The following PTPRT variants were observed in gnomAD, a reference collection of about 807,000 sequenced individuals.
PTPRT encodes receptor-type tyrosine-protein phosphatase T.
PTPRT carries 56 observed loss-of-function variants against 176.8 expected under a neutral mutation model. The observed-to-expected ratio is 0.32, with a 90% CI of 0.26 to 0.40. PTPRT has a LOEUF of 0.40. Among genes scored for constraint, PTPRT ranks in the 10% least tolerant of loss-of-function variants. PTPRT has a pLI of 1.00. For synonymous variants in PTPRT, 783 were observed against 739.0 expected (o/e 1.06, Z -0.96); for missense variants, 1,540 against 1,908.2 (o/e 0.81, Z 3.60).
chr20:42,326,206 A>G (rs963393724), intron 11 of PTPRT, among the ~76,000 whole-genome samples: 3 of 152,188 alleles, frequency 2.0e-5, no homozygotes, highest in African/African-American at 7.2e-5. Flanking sequence ...ATTTGGGTAG[A>G]TAACCTTGAT....
chr20:42,382,801 C>G (rs1453420295), intron 9 of PTPRT, among the ~76,000 whole-genome samples: 1 of 152,180 alleles, frequency 6.6e-6, no homozygotes, highest in Admixed American at 6.5e-5. Flanking sequence ...TATCCATGCC[C>G]TGCATAAATG....
intron 15 of PTPRT, among the ~76,000 whole-genome samples, chr20:42,227,334 CTG>C (rs953076402): frequency 3.3e-5 from 5 of 152,090 alleles, no homozygotes; most frequent in African/African-American, 1.2e-4. Flanking sequence ...CTTTTACACC[CTG>C]TGTCAACCAG....
chr20:42,400,690 C>T (rs1394059141), intron 9 of PTPRT, among the ~76,000 whole-genome samples: 3 of 152,180 alleles, frequency 2.0e-5, no homozygotes, highest in African/African-American at 7.2e-5. Context: ...ATACCAAGCA[C>T]GCTTGCATGT....
chr20:42,985,877 C>T (rs1173125832), intron 1 of PTPRT, among the ~76,000 whole-genome samples: 1 of 152,102 alleles, frequency 6.6e-6, no homozygotes, highest in African/African-American at 2.4e-5. Context: ...CCTCCCTGTT[C>T]AAGGAGCAGC....
intron 2 of PTPRT, among the ~76,000 whole-genome samples, chr20:42,880,032 T>C (rs1163478803): frequency 1.3e-5 from 2 of 151,846 alleles, no homozygotes; most frequent in Non-Finnish European, 2.9e-5. Context: ...AGGAGAGAGG[T>C]TCTCCCATTT....
At chr20:42,405,665 G>A (rs2058954694) in intron 9 of PTPRT, among the ~76,000 whole-genome samples, 1 of 152,156 alleles carries the variant, frequency 6.6e-6, no homozygotes, top group South Asian at 2.1e-4. Flanking sequence ...GTGTGCATGT[G>A]TTTTTATAGC....
intron 2 of PTPRT, among the ~76,000 whole-genome samples, chr20:42,863,009 A>G (rs1037238103): frequency 4.6e-5 from 7 of 152,204 alleles, no homozygotes; most frequent in Admixed American, 1.3e-4. Flanking sequence ...TCTTACACTA[A>G]TGGGGTAAGG....
At chr20:42,845,762 C>T (rs1317627359) in intron 2 of PTPRT, among the ~76,000 whole-genome samples, 4 of 152,056 alleles carry the variant, frequency 2.6e-5, no homozygotes, top group African/African-American at 7.2e-5. Context: ...TAAGGGCAAG[C>T]GAGATTATCC....
chr20:42,906,894 C>T (rs1446735320), intron 1 of PTPRT, among the ~76,000 whole-genome samples: 1 of 152,110 alleles, frequency 6.6e-6, no homozygotes, highest in East Asian at 1.9e-4. Context: ...ACCTCATCTG[C>T]CTGGAATTAA....
intron 1 of PTPRT, among the ~76,000 whole-genome samples, chr20:43,138,143 A>G (rs2013892726): frequency 6.6e-6 from 1 of 152,220 alleles, no homozygotes; most frequent in Admixed American, 6.5e-5. Flanking sequence ...CTGAGTGGGC[A>G]CTGGCAAGAG....
At chr20:42,520,802 CAT>C (rs58797064) in intron 7 of PTPRT, among the ~76,000 whole-genome samples, 103 of 141,366 alleles carry the variant, frequency 7.3e-4, no homozygotes, top group Middle Eastern at 3.6e-3. Flanking sequence ...CTTGGAAAGA[CAT>C]ATATATATAT....
Position 42,142,882 on chromosome 20 carries a change from T to C in PTPRT, c.2683-880A>G, listed in dbSNP as rs74726958. Among the ~76,000 whole-genome samples, 823 of 152,294 alleles carry C rather than the reference T, an allele frequency of 5.4e-3. 7 individuals are homozygous for C. The highest frequency in any genetic ancestry group is 0.019 in the African/African-American group (790 of 41,560). On this transcript the variant is annotated intron_variant, in intron 17 of 30. Transcript: ENST00000373187. ...GGGACTTCATTAATGATAGATACTATAATTCCTTCATGATACTGTAATTCC... is the reference window on the plus strand; with the variant it reads ...GGGACTTCATTAATGATAGATACTACAATTCCTTCATGATACTGTAATTCC...
chr20:42,187,551 T>C (rs1050619378), intron 16 of PTPRT, among the ~76,000 whole-genome samples: 1 of 152,226 alleles, frequency 6.6e-6, no homozygotes, highest in East Asian at 1.9e-4. Context: ...TTTTCAATCT[T>C]TGTGATAGTC....
chr20:42,240,264 C>A (rs967377858), intron 14 of PTPRT, among the ~76,000 whole-genome samples: 1 of 152,154 alleles, frequency 6.6e-6, no homozygotes, highest in African/African-American at 2.4e-5. Flanking sequence ...AATTAAACTG[C>A]AAAGTCTTCT....
In PTPRT at chr20:42,074,527, C is replaced by A; in HGVS notation, c.*6352G>T. On this transcript the variant is annotated 3_prime_UTR_variant, in exon 31 of 31. Coordinates refer to ENST00000373187, the MANE Select transcript of PTPRT (RefSeq NM_007050.6). ...AGGATCAGAGTCCACATCTCACCACCCAGAGCAGTTCTCAGATATAGAAGG... is the reference window on the plus strand; with the variant it reads ...AGGATCAGAGTCCACATCTCACCACACAGAGCAGTTCTCAGATATAGAAGG... 1 of 365,280 alleles carries A rather than the reference C, an allele frequency of 2.7e-6. No individual in the cohort carries two copies. The highest frequency in any genetic ancestry group is 4.9e-6 in the Non-Finnish European group (1 of 205,292). The allele number at this position is 365,280 out of a possible 1,614,324, so 22.6% of individuals were successfully genotyped here. A position where few individuals can be genotyped will look rare whatever the true frequency, so the allele number is the denominator to read the frequency against.
At chr20:42,669,943 A>G (rs779351539) in intron 7 of PTPRT, among the ~76,000 whole-genome samples, 1 of 152,136 alleles carries the variant, frequency 6.6e-6, no homozygotes, top group Non-Finnish European at 1.5e-5. Flanking sequence ...GAGACTAGAG[A>G]CAATTATAAA....
At chr20:42,904,321 T>C (rs2079446674) in intron 1 of PTPRT, among the ~76,000 whole-genome samples, 1 of 150,868 alleles carries the variant, frequency 6.6e-6, no homozygotes, top group South Asian at 2.1e-4. Flanking sequence ...CTAAATCACA[T>C]AGTAACTCGG....
the PTPRT span, among the ~76,000 whole-genome samples, chr20:42,060,531 C>G: frequency 6.6e-6 from 1 of 152,154 alleles, no homozygotes; most frequent in Non-Finnish European, 1.5e-5. Context: ...GCAAGTCTTT[C>G]CTGTGCTGTT....
At chr20:42,936,024 A>C (rs1458265933) in intron 1 of PTPRT, among the ~76,000 whole-genome samples, 1 of 152,250 alleles carries the variant, frequency 6.6e-6, no homozygotes, top group African/African-American at 2.4e-5. Context: ...CTGAGAGTAC[A>C]GGTGACCAAA....
Sources: gnomAD v4.1 joint callset for allele counts (sites outside exome capture counted in the v4.1 genomes callset) on GRCh38, gnomAD v4.1.1 for gene constraint, MANE v1.5 for transcripts, NCBI Gene and HGNC (gene_info 2026-07-23, HGNC 2026-07-21) for gene names.